Variants in CADM1 observed in about 807,000 individuals in gnomAD.
CADM1 encodes cell adhesion molecule 1, also known as TSLC-1.
CADM1 carries 15 observed loss-of-function variants against 53.1 expected under a neutral mutation model. The observed-to-expected ratio is 0.28, with a 90% CI of 0.19 to 0.44. CADM1 has a LOEUF of 0.44. Among genes scored for constraint, CADM1 ranks in the 20% least tolerant of loss-of-function variants. CADM1 has a pLI of 1.00. For missense variants in CADM1, 434 were observed against 611.3 expected (o/e 0.71, Z 3.06); for synonymous variants, 281 against 243.0 (o/e 1.16, Z -1.45).
At chr11:115,442,342 C>T (rs1948335438) in intron 1 of CADM1, among the ~76,000 whole-genome samples, 1 of 152,144 alleles carries the variant, frequency 6.6e-6, no homozygotes, top group African/African-American at 2.4e-5. Context: ...TGAGTCCAAT[C>T]CCTAAGGTCC....
chr11:115,349,845 T>C (rs1025430565), intron 1 of CADM1, among the ~76,000 whole-genome samples: 1 of 152,164 alleles, frequency 6.6e-6, no homozygotes, highest in Non-Finnish European at 1.5e-5. Flanking sequence ...TTGTTCAGAG[T>C]ATACATGTCT....
chr11:115,504,236 G>T (rs1483869098), intron 1 of CADM1, 35 bp downstream of exon 1: 1 of 1,563,006 alleles, frequency 6.4e-7, no homozygotes. Context: ...TGCCTTCGGA[G>T]ATTTAGGGGC....
chr11:115,494,016 G>A (rs1323429434), intron 1 of CADM1, among the ~76,000 whole-genome samples: 3 of 152,110 alleles, frequency 2.0e-5, no homozygotes, highest in Admixed American at 6.6e-5. Flanking sequence ...ATGGTATTGC[G>A]TGTGCCCAGG....
At chr11:115,221,344 T>A (rs750115671) in intron 5 of CADM1, among the ~76,000 whole-genome samples, 9 of 152,188 alleles carry the variant, frequency 5.9e-5, no homozygotes, top group African/African-American at 9.6e-5. Flanking sequence ...GTAAAAGACA[T>A]TTAGCAAGAC....
At position 115,183,017 on chromosome 11, in the gene CADM1, C is replaced by A. The variant is rs115988598; in HGVS notation, c.1166-4242G>T. 4.2e-3 allele frequency among the ~76,000 whole-genome samples: 644 copies of A among 152,244 alleles called. 6 individuals carry two copies. Among genetic ancestry groups the A allele is most frequent in the African/African-American group, 0.013 (531 of 41,516 alleles). On this transcript the variant is annotated intron_variant, in intron 10 of 11. Transcript: ENST00000331581. ...CTTAGAAATTGCGGGACAGAGAAAT[C>A]TCAAAGAAACTCCCAAGAGTGATGC...
In CADM1 at chr11:115,467,767, T is replaced by G. The variant is rs575177524; in HGVS notation, c.124+36504A>C. On this transcript the variant is annotated intron_variant, in intron 1 of 11. Transcript: ENST00000331581. Reference sequence around the variant, plus strand: ...TTCTGAGTGAATGAGTTTACAGGGTTTTCTCCTTACTCTTCAGCAAGCCAA... The same window carrying G: ...TTCTGAGTGAATGAGTTTACAGGGTGTTCTCCTTACTCTTCAGCAAGCCAA... Among the ~76,000 whole-genome samples the G allele has an allele frequency of 3.3e-5, 5 of 152,272 alleles. No individual in the cohort carries two copies. In the South Asian group the frequency reaches 1.0e-3, roughly 32 times the overall value.
intron 1 of CADM1, among the ~76,000 whole-genome samples, chr11:115,260,356 G>T (rs1402376534): frequency 6.6e-6 from 1 of 152,234 alleles, no homozygotes; most frequent in Non-Finnish European, 1.5e-5. Flanking sequence ...CCCTTCCGTG[G>T]TTTGTATCAG....
intron 1 of CADM1, among the ~76,000 whole-genome samples, chr11:115,457,594 A>C (rs1392049481): frequency 1.3e-5 from 2 of 152,170 alleles, no homozygotes; most frequent in African/African-American, 4.8e-5. Context: ...GCTCCCATTT[A>C]TTTAAATAAT....
chr11:115,242,522 T>A (rs1452540826), intron 1 of CADM1, among the ~76,000 whole-genome samples: 1 of 152,042 alleles, frequency 6.6e-6, no homozygotes, highest in Non-Finnish European at 1.5e-5. Flanking sequence ...GGCAAAAGTG[T>A]GTACAGAAAA....
At chr11:115,468,810 A>C (rs1948948352) in intron 1 of CADM1, among the ~76,000 whole-genome samples, 1 of 152,214 alleles carries the variant, frequency 6.6e-6, no homozygotes, top group East Asian at 1.9e-4. Flanking sequence ...GTAATTTATA[A>C]AGAAAAAGAG....
At position 115,214,765 on chromosome 11, in the gene CADM1, A is replaced by C. The variant is rs772994747; in HGVS notation, c.837T>G (p.Thr279=). The C allele has an allele frequency of 5.6e-6, 9 of 1,613,836 alleles. No individual in the cohort carries two copies. In the East Asian group the frequency reaches 1.6e-4, roughly 28 times the overall value. ...AIGKPQPVMV[T]WVRVDDEMPQ... is the part of the protein sequence containing the mutation. ...GCATTTCATCATCGACTCTCACCCA[A>C]GTTACCATCACAGGCCTGCAGGGGG... The change falls in exon 7 of 12, where the codon ACT becomes ACG. Residue 279 remains threonine (T), a synonymous_variant. Coordinates refer to ENST00000331581, the MANE Select transcript of CADM1 (RefSeq NM_001301043.2).
intron 5 of CADM1, among the ~76,000 whole-genome samples, chr11:115,224,355 G>C (rs1212133487): frequency 6.6e-6 from 1 of 151,962 alleles, no homozygotes; most frequent in Non-Finnish European, 1.5e-5. Context: ...AAAATACCTA[G>C]CTACATTCAG....
At chr11:115,364,932 A>G (rs1946120061) in intron 1 of CADM1, among the ~76,000 whole-genome samples, 1 of 152,220 alleles carries the variant, frequency 6.6e-6, no homozygotes, top group African/African-American at 2.4e-5. Context: ...ATAAAGAGAA[A>G]ACAATATTAA....
At chr11:115,223,266 T>C (rs1156968389) in intron 5 of CADM1, among the ~76,000 whole-genome samples, 1 of 152,210 alleles carries the variant, frequency 6.6e-6, no homozygotes, top group Non-Finnish European at 1.5e-5. Flanking sequence ...CTGCTTTACA[T>C]ATTTCCACTT....
chr11:115,472,242 A>G (rs570897170), intron 1 of CADM1, among the ~76,000 whole-genome samples: 2 of 152,266 alleles, frequency 1.3e-5, no homozygotes. Flanking sequence ...ATTGTATCCT[A>G]TAGCTAAGTA....
At chr11:115,455,416 T>G (rs10891857) in intron 1 of CADM1, among the ~76,000 whole-genome samples, 57,567 of 148,970 alleles carry the variant, frequency 0.39, 11,827 homozygotes, top group Non-Finnish European at 0.48. Context: ...TATATATATA[T>G]AGAGAGAGAG....
intron 1 of CADM1, among the ~76,000 whole-genome samples, chr11:115,358,204 C>T (rs11215513): frequency 0.31 from 47,413 of 151,756 alleles, 8,733 homozygotes; most frequent in Non-Finnish European, 0.43. Flanking sequence ...ATTGATCCTC[C>T]TTCTCTCACT....
chr11:115,492,120 A>T (rs1322234293), intron 1 of CADM1, among the ~76,000 whole-genome samples: 1 of 152,152 alleles, frequency 6.6e-6, no homozygotes. Flanking sequence ...AAATAAATAA[A>T]AACAAAAGGC....
intron 1 of CADM1, among the ~76,000 whole-genome samples, chr11:115,254,803 A>C (rs928068646): frequency 3.3e-5 from 5 of 152,182 alleles, no homozygotes; most frequent in African/African-American, 1.2e-4. Context: ...CGTTTTCTGG[A>C]AAGGTCATTA....
Sources: gnomAD v4.1 joint callset for allele counts (sites outside exome capture counted in the v4.1 genomes callset) on GRCh38, gnomAD v4.1.1 for gene constraint, MANE v1.5 for transcripts, NCBI Gene and HGNC (gene_info 2026-07-23, HGNC 2026-07-21) for gene names.